The following UGT1A8 variants were observed in gnomAD, a reference collection of about 807,000 sequenced individuals.
The protein encoded by UGT1A8 is UDP glucuronosyltransferase family 1 member A8.
A neutral mutation model predicts 45.3 loss-of-function variants in UGT1A8; 39 were observed. The ratio of observed to expected loss-of-function variants is 0.86; its 90% confidence interval spans 0.67 to 1.12. UGT1A8 has a LOEUF of 1.12. Among genes scored for constraint, UGT1A8 ranks in the 50% most tolerant of loss-of-function variants. The pLI is 0.00. For synonymous variants in UGT1A8, 275 were observed against 249.2 expected (o/e 1.10, Z -0.97); for missense variants, 719 against 664.9 (o/e 1.08, Z -0.90).
intron 1 of UGT1A8, chr2:233,744,012 G>C (rs541267003): frequency 9.2e-7 from 1 of 1,089,588 alleles, no homozygotes. Flanking sequence ...GACCTGGGCC[G>C]CCTGGAGAGA....
chr2:233,633,108 A>G (rs2073221142), intron 1 of UGT1A8, among the ~76,000 whole-genome samples: 1 of 152,210 alleles, frequency 6.6e-6, no homozygotes, highest in Non-Finnish European at 1.5e-5. Context: ...GTGATGGATT[A>G]TGTTTATTGA....
At chr2:233,621,976 C>A (rs1425351766) in intron 1 of UGT1A8, among the ~76,000 whole-genome samples, 1 of 152,148 alleles carries the variant, frequency 6.6e-6, no homozygotes, top group African/African-American at 2.4e-5. Flanking sequence ...TGAGAATATG[C>A]ACTGTTTGAT....
intron 1 of UGT1A8, chr2:233,637,085 C>A (rs1276960727): frequency 1.2e-6 from 2 of 1,613,924 alleles, no homozygotes; most frequent in East Asian, 4.5e-5. Flanking sequence ...GCTCCTCTTT[C>A]CTATGTCCCC....
intron 1 of UGT1A8, among the ~76,000 whole-genome samples, chr2:233,759,123 C>G (rs1197152658): frequency 6.6e-6 from 1 of 152,198 alleles, no homozygotes; most frequent in East Asian, 1.9e-4. Flanking sequence ...GAGTTACAGC[C>G]TCTGGTACGC....
At chr2:233,681,859 G>T (rs1361939856) in intron 1 of UGT1A8, 1 of 1,528,202 alleles carries the variant, frequency 6.5e-7, no homozygotes, top group African/African-American at 1.4e-5. Context: ...TTGAGGGCAG[G>T]TTCTATCTGT....
chr2:233,768,235 G>T lies in UGT1A8; in HGVS notation c.1091G>T (p.Arg364Leu), dbSNP rs374047963. 32 of 1,614,018 alleles carry T rather than the reference G, an allele frequency of 2.0e-5. No homozygotes were observed. Among genetic ancestry groups the T allele is most frequent in the African/African-American group, 1.3e-5 (1 of 74,898 alleles). Residue 364 changes from arginine (R) to leucine (L), a missense_variant, in exon 4 of 5, where the codon CGT becomes CTT. Physicochemically the swap from Arg to Leu is moderately radical, Grantham distance 102. Transcript: ENST00000373450. ...QNDLLGHPMT[R>L]AFITHAGSHG... is the part of the protein sequence containing the mutation. ...TGCATCTCAGGTCACCCGATGACCC[G>T]TGCCTTTATCACCCATGCTGGTTCC...
chr2:233,760,321 G>A, intron 1 of UGT1A8: 1 of 1,614,014 alleles, frequency 6.2e-7, no homozygotes, highest in Non-Finnish European at 8.5e-7. Context: ...ACGCCCACTT[G>A]TCCTGGGCCT....
intron 4 of UGT1A8, chr2:233,771,538 C>A (rs1369830347): frequency 1.3e-5 from 2 of 152,274 alleles, no homozygotes; most frequent in Non-Finnish European, 2.9e-5. Context: ...GGATTTGGCA[C>A]TTACAAATGG....
intron 1 of UGT1A8, among the ~76,000 whole-genome samples, chr2:233,664,810 T>A (rs538015684): frequency 6.6e-6 from 1 of 152,326 alleles, no homozygotes; most frequent in Non-Finnish European, 1.5e-5. Context: ...CACTGAACTG[T>A]GATTTGACAT....
At chr2:233,731,806 G>A (rs142975775) in intron 1 of UGT1A8, among the ~76,000 whole-genome samples, 5,114 of 152,192 alleles carry the variant, frequency 0.034, 99 homozygotes, top group African/African-American at 0.051. Context: ...ACCCAGTAAT[G>A]GTATGGCTGT....
At chr2:233,641,926 A>C (rs1303704869) in intron 1 of UGT1A8, among the ~76,000 whole-genome samples, 1 of 152,118 alleles carries the variant, frequency 6.6e-6, no homozygotes, top group African/African-American at 2.4e-5. Flanking sequence ...TGCTGCTTTT[A>C]GAATCTTTTC....
chr2:233,684,056 T>C (rs944145699), intron 1 of UGT1A8, among the ~76,000 whole-genome samples: 3 of 152,204 alleles, frequency 2.0e-5, no homozygotes, highest in African/African-American at 7.2e-5. Flanking sequence ...ACACCTGGTG[T>C]CTGATCTAAG....
chr2:233,658,793 C>T (rs568146325), intron 1 of UGT1A8, among the ~76,000 whole-genome samples: 1 of 152,340 alleles, frequency 6.6e-6, no homozygotes, highest in South Asian at 2.1e-4. Context: ...TACTGCTAAA[C>T]ATCTATTTCT....
intron 1 of UGT1A8, among the ~76,000 whole-genome samples, chr2:233,695,496 G>A (rs2075292222): frequency 6.6e-6 from 1 of 151,498 alleles, no homozygotes; most frequent in African/African-American, 2.4e-5. Flanking sequence ...TTCTATCAAA[G>A]TTTTTGGAGT....
intron 1 of UGT1A8, among the ~76,000 whole-genome samples, chr2:233,639,279 A>G (rs575266926): frequency 6.6e-6 from 1 of 152,280 alleles, no homozygotes; most frequent in African/African-American, 2.4e-5. Flanking sequence ...TATAGTTTGC[A>G]GAGGGTTATG....
At position 233,718,962 on chromosome 2, in the gene UGT1A8, T is replaced by A. The variant is rs2011425; in HGVS notation, c.856-48072T>A. The stretch of plus-strand genomic sequence containing the variant: ...CCCCTGGCTCAGCATGCGGGAGGCC[T>A]TGCGGGAGCTCCATGCCAGAGGCCA... On this transcript the variant is annotated intron_variant, in intron 1 of 4. Coordinates refer to ENST00000373450, the MANE Select transcript of UGT1A8 (RefSeq NM_019076.5). 1.5e-5 allele frequency: 24 copies of A among 1,614,014 alleles called. No individual in the cohort carries two copies. In the South Asian group the frequency reaches 2.6e-4, roughly 18 times the overall value.
chr2:233,729,355 C>T (rs144116440), intron 1 of UGT1A8: 167 of 1,614,046 alleles, frequency 1.0e-4, no homozygotes, highest in Non-Finnish European at 4.3e-5. Context: ...CTTTTTCACC[C>T]TGACAACCTA....
rs577388839 is a variant in UGT1A8, at chr2:233,677,482, T to C, written c.855+58920T>C. 2.0e-5 allele frequency among the ~76,000 whole-genome samples: 3 copies of C among 152,280 alleles called. No individual in the cohort carries two copies. In the South Asian group the frequency reaches 6.2e-4, roughly 32 times the overall value. ...ATACCATAAACAGTCAATTAACACA[T>C]AGTTTGTATGTTATTAGTATTATAT... On this transcript the variant is annotated intron_variant, in intron 1 of 4. Coordinates refer to ENST00000373450, the MANE Select transcript of UGT1A8 (RefSeq NM_019076.5).
chr2:233,672,623 T>C (rs2074233629), intron 1 of UGT1A8: 1 of 1,613,774 alleles, frequency 6.2e-7, no homozygotes, highest in African/African-American at 1.3e-5. Flanking sequence ...GCCCTAGAAA[T>C]AGCCTCTGAA....
Sources: gnomAD v4.1 joint callset for allele counts (sites outside exome capture counted in the v4.1 genomes callset) on GRCh38, gnomAD v4.1.1 for gene constraint, MANE v1.5 for transcripts, NCBI Gene and HGNC (gene_info 2026-07-23, HGNC 2026-07-21) for gene names.